Variants in RALGPS1 observed in about 807,000 individuals in gnomAD.
The protein encoded by RALGPS1 is ras-specific guanine nucleotide-releasing factor RalGPS1.
A neutral mutation model predicts 78.8 loss-of-function variants in RALGPS1; 19 were observed. That is an observed-to-expected ratio of 0.24 (90% CI 0.17 to 0.35). RALGPS1 has a LOEUF of 0.35. Among genes scored for constraint, RALGPS1 ranks in the 10% least tolerant of loss-of-function variants. The pLI, the probability that RALGPS1 is intolerant of heterozygous loss-of-function variation, is 1.00. For synonymous variants in RALGPS1, 228 were observed against 256.3 expected (o/e 0.89, Z 1.06); for missense variants, 454 against 688.3 (o/e 0.66, Z 3.81).
intron 4 of RALGPS1, among the ~76,000 whole-genome samples, chr9:127,014,436 A>T (rs556689710): frequency 1.3e-5 from 2 of 152,174 alleles, no homozygotes; most frequent in Non-Finnish European, 2.9e-5. Flanking sequence ...CTGCGTAGCC[A>T]TTGCTGGAAT....
intron 8 of RALGPS1, among the ~76,000 whole-genome samples, chr9:127,142,026 C>T (rs866896104): frequency 6.6e-6 from 1 of 152,146 alleles, no homozygotes; most frequent in African/African-American, 2.4e-5. Flanking sequence ...TCCAGCCTTG[C>T]GTAGGTCTGT....
At chr9:126,952,283 C>G (rs1810950677) in intron 1 of RALGPS1, among the ~76,000 whole-genome samples, 1 of 152,184 alleles carries the variant, frequency 6.6e-6, no homozygotes, top group Non-Finnish European at 1.5e-5. Flanking sequence ...AGCTCACTAT[C>G]TCTCCTTTCT....
chr9:126,948,028 T>C (rs1217445787), intron 1 of RALGPS1, among the ~76,000 whole-genome samples: 1 of 152,178 alleles, frequency 6.6e-6, no homozygotes, highest in Middle Eastern at 3.2e-3. Flanking sequence ...TTTATATTTA[T>C]ATCCCTGTAT....
intron 4 of RALGPS1, among the ~76,000 whole-genome samples, chr9:127,010,251 T>G (rs1415081957): frequency 1.3e-5 from 2 of 152,178 alleles, no homozygotes; most frequent in Non-Finnish European, 2.9e-5. Flanking sequence ...CTCTCCTCTT[T>G]GTCCTTCCTC....
chr9:127,071,448 C>G (rs2050194472), intron 8 of RALGPS1, among the ~76,000 whole-genome samples: 1 of 152,130 alleles, frequency 6.6e-6, no homozygotes, highest in African/African-American at 2.4e-5. Context: ...AAAAAAGACA[C>G]ACCTGATAAA....
chr9:127,112,146 G>A (rs2054880051), intron 8 of RALGPS1, among the ~76,000 whole-genome samples: 1 of 152,232 alleles, frequency 6.6e-6, no homozygotes, highest in South Asian at 2.1e-4. Flanking sequence ...CCTATGGCCT[G>A]CTCAGGCCTC....
At chr9:126,942,331 T>G (rs2036870143) in intron 1 of RALGPS1, among the ~76,000 whole-genome samples, 2 of 152,154 alleles carry the variant, frequency 1.3e-5, no homozygotes, top group African/African-American at 2.4e-5. Context: ...TTGATCTGTG[T>G]TTTCTTTAGT....
rs530539158 is a variant in RALGPS1, at chr9:126,936,573, G to C, written c.-66+21598G>C. Among the ~76,000 whole-genome samples the C allele has an allele frequency of 7.3e-5, 11 of 151,702 alleles. No homozygotes were observed. In the East Asian group the frequency reaches 2.1e-3, roughly 29 times the overall value. ...AAGGAAAGAGAATTAGGCTGTCTTT[G>C]GGCTTCCCCTGTGCAACTCTGGAGG... On this transcript the variant is annotated intron_variant, in intron 1 of 18. Coordinates refer to ENST00000259351, the MANE Select transcript of RALGPS1 (RefSeq NM_014636.3).
intron 1 of RALGPS1, among the ~76,000 whole-genome samples, chr9:126,921,187 G>T (rs1344407227): frequency 6.6e-6 from 1 of 152,188 alleles, no homozygotes; most frequent in African/African-American, 2.4e-5. Context: ...TCGTGGTCAT[G>T]ATGAAAGTTA....
intron 1 of RALGPS1, among the ~76,000 whole-genome samples, chr9:126,960,987 G>A (rs898889040): frequency 7.2e-5 from 11 of 152,038 alleles, no homozygotes; most frequent in Admixed American, 1.3e-4. Context: ...CAGCTCAGGG[G>A]CCCTTCCTTA....
In RALGPS1 at chr9:126,996,326, T is replaced by A. The variant is rs199816072; in HGVS notation, c.216+18581T>A. Among the ~76,000 whole-genome samples the A allele has an allele frequency of 5.5e-3, 828 of 151,866 alleles. 6 individuals carry two copies. The highest frequency in any genetic ancestry group is 8.2e-3 in the Non-Finnish European group (554 of 67,918). On this transcript the variant is annotated intron_variant, in intron 4 of 18. Coordinates refer to ENST00000259351, the MANE Select transcript of RALGPS1 (RefSeq NM_014636.3). ...AGAAAAGAGAGAAGAATCAAATAGATGCAATAAAAAATGATAAAGGGATAT... is the reference window on the plus strand; with the variant it reads ...AGAAAAGAGAGAAGAATCAAATAGAAGCAATAAAAAATGATAAAGGGATAT...
At chr9:126,992,382 T>G (rs1007589087) in intron 4 of RALGPS1, among the ~76,000 whole-genome samples, 2 of 152,230 alleles carry the variant, frequency 1.3e-5, no homozygotes, top group Non-Finnish European at 2.9e-5. Flanking sequence ...CAAAAATTTT[T>G]TAATACCTCT....
intron 4 of RALGPS1, among the ~76,000 whole-genome samples, chr9:126,987,288 A>G (rs551142468): frequency 6.1e-4 from 93 of 152,280 alleles, no homozygotes; most frequent in Non-Finnish European, 7.4e-4. Flanking sequence ...GGGTTGTGAC[A>G]TTATCACTAG....
At chr9:127,112,714 G>A (rs1467843325) in intron 8 of RALGPS1, among the ~76,000 whole-genome samples, 1 of 152,246 alleles carries the variant, frequency 6.6e-6, no homozygotes, top group Non-Finnish European at 1.5e-5. Context: ...ATCAGAAGCG[G>A]GAGATTGGAA....
At chr9:127,096,571 C>T (rs1365681578) in intron 8 of RALGPS1, among the ~76,000 whole-genome samples, 3 of 152,222 alleles carry the variant, frequency 2.0e-5, no homozygotes, top group African/African-American at 7.2e-5. Context: ...CCAGCTGGGG[C>T]TGCCTTTGTG....
rs1293285088 is a variant in RALGPS1, at chr9:127,205,989, T to TGGCC, written c.1248-6141_1248-6138dup. On this transcript the variant is annotated intron_variant, in intron 14 of 18. Coordinates refer to ENST00000259351, the MANE Select transcript of RALGPS1 (RefSeq NM_014636.3). This position sits in a 1 kb window ranked among gnomAD's most constrained non-coding sequence, Gnocchi z 4.0. ...GGGACATTGCCCAGAGAAGAGTGGG[T>TGGCC]GGCCCATAGAAAGCAAATGTCCTTC... 2.0e-5 allele frequency among the ~76,000 whole-genome samples: 3 copies of TGGCC among 152,194 alleles called. No individual in the cohort carries two copies. The highest frequency in any genetic ancestry group is 7.2e-5 in the African/African-American group (3 of 41,440).
At chr9:126,920,814 A>T (rs1293218830) in intron 1 of RALGPS1, among the ~76,000 whole-genome samples, 3 of 152,150 alleles carry the variant, frequency 2.0e-5, no homozygotes, top group Non-Finnish European at 4.4e-5. Flanking sequence ...CCACAAACAG[A>T]AGGTGACTGA....
intron 12 of RALGPS1, 21 bp downstream of exon 12, chr9:127,195,238 T>G (rs1320500567): frequency 6.2e-7 from 1 of 1,604,958 alleles, no homozygotes; most frequent in South Asian, 1.1e-5. Flanking sequence ...GAGCAAGCCC[T>G]CCCGCCGGGC....
intron 4 of RALGPS1, among the ~76,000 whole-genome samples, chr9:127,019,114 G>A (rs962030199): frequency 3.3e-5 from 5 of 152,112 alleles, no homozygotes; most frequent in South Asian, 4.1e-4. Flanking sequence ...TAGGCCTTTC[G>A]CAACCAGGAT....
Sources: gnomAD v4.1 joint callset for allele counts (sites outside exome capture counted in the v4.1 genomes callset) on GRCh38, gnomAD v4.1.1 for gene constraint, Gnocchi (gnomAD v3.1) non-coding constraint, MANE v1.5 for transcripts, NCBI Gene and HGNC (gene_info 2026-07-23, HGNC 2026-07-21) for gene names.